Variants in KCNH8 observed in about 807,000 individuals in gnomAD.
The protein encoded by KCNH8 is potassium voltage-gated channel subfamily H member 8.
KCNH8 carries 70 observed loss-of-function variants against 103.6 expected under a neutral mutation model. That is an observed-to-expected ratio of 0.68 (90% CI 0.56 to 0.82). KCNH8 has a LOEUF of 0.82. KCNH8 is among the 40% of genes least tolerant of loss of function. The pLI is 0.00. For synonymous variants in KCNH8, 498 were observed against 489.4 expected, an observed-to-expected ratio of 1.02 and a Z score of -0.23; for missense variants, 1,217 against 1,329.9, an observed-to-expected ratio of 0.92 and a Z score of 1.32.
chr3:19,290,127 C>T (rs2064896833), intron 3 of KCNH8, among the ~76,000 whole-genome samples: 1 of 152,134 alleles, frequency 6.6e-6, no homozygotes, highest in South Asian at 2.1e-4. Context: ...AGTTGCCTAT[C>T]AGCTTAAGGA....
chr3:19,201,712 A>G (rs1231742624), intron 1 of KCNH8, among the ~76,000 whole-genome samples: 3 of 152,154 alleles, frequency 2.0e-5, no homozygotes, highest in East Asian at 3.9e-4. Flanking sequence ...AGAACTATCC[A>G]TACTGATATT....
At chr3:19,508,023 CTGTT>C (rs1482542722) in intron 11 of KCNH8, among the ~76,000 whole-genome samples, 1 of 152,068 alleles carries the variant, frequency 6.6e-6, no homozygotes, top group Non-Finnish European at 1.5e-5. Flanking sequence ...GCTTTTAATT[CTGTT>C]TATGTGGTGA....
At chr3:19,425,348 C>T (rs962059351) in intron 7 of KCNH8, among the ~76,000 whole-genome samples, 1 of 152,160 alleles carries the variant, frequency 6.6e-6, no homozygotes, top group East Asian at 1.9e-4. Flanking sequence ...GTTGCTCCAA[C>T]TAGGAGGACT....
At chr3:19,469,774 C>G (rs1308498030) in intron 11 of KCNH8, among the ~76,000 whole-genome samples, 1 of 152,156 alleles carries the variant, frequency 6.6e-6, no homozygotes, top group Admixed American at 6.5e-5. Context: ...GGACTTCTTG[C>G]ACCTGTTAAT....
chr3:19,160,173 G>C (rs910887968), intron 1 of KCNH8, among the ~76,000 whole-genome samples: 4 of 152,014 alleles, frequency 2.6e-5, no homozygotes, highest in Non-Finnish European at 5.9e-5. Flanking sequence ...TGCTGAATAA[G>C]CATCAGCATG....
chr3:19,528,364 A>T (rs1232697972), intron 15 of KCNH8, among the ~76,000 whole-genome samples: 1 of 152,190 alleles, frequency 6.6e-6, no homozygotes, highest in East Asian at 1.9e-4. Context: ...GAAATTTCCC[A>T]GAGAATTAAA....
intron 15 of KCNH8, among the ~76,000 whole-genome samples, chr3:19,526,318 C>T (rs1165134892): frequency 6.6e-6 from 1 of 151,888 alleles, no homozygotes. Flanking sequence ...TTTTTCTCTG[C>T]CTATCAACGG....
intron 3 of KCNH8, among the ~76,000 whole-genome samples, chr3:19,337,999 CGG>C (rs67419831): frequency 1.4e-5 from 2 of 147,106 alleles, no homozygotes; most frequent in African/African-American, 4.9e-5. Flanking sequence ...GAGAGAGAGG[CGG>C]GGGGGGGAGA....
chr3:19,370,971 G>A (rs955873642), intron 5 of KCNH8, among the ~76,000 whole-genome samples: 5 of 151,996 alleles, frequency 3.3e-5, no homozygotes, highest in Non-Finnish European at 7.4e-5. Flanking sequence ...AGTATTCCAT[G>A]GTGTATATGT....
In KCNH8 at chr3:19,533,737, T is replaced by G; in HGVS notation, c.2962T>G (p.Ser988Ala). 6.2e-7 allele frequency: 1 copy of G among 1,614,132 alleles called. No homozygotes were observed. Among genetic ancestry groups the G allele is most frequent in the South Asian group, 1.1e-5 (1 of 91,082 alleles). ...TCCTGCAGACAGTGAACTTTATCAT[T>G]CTCCAAGCCTTGATTATTCACCTTC... ...QNPADSELYHSPSLDYSPSHY... is the reference protein window; with the variant it reads ...QNPADSELYHAPSLDYSPSHY... Residue 988 changes from serine to alanine, a missense_variant, in exon 16 of 16, where the codon TCT becomes GCT. By Grantham distance (99) the Ser-to-Ala change is moderately conservative (BLOSUM62 1). Around this residue, in one of 3 missense-constraint regions of KCNH8, gnomAD observed 558 missense variants for 495.8 expected, o/e 1.13. Transcript: ENST00000328405.
At chr3:19,390,817 G>A (rs1404043865) in intron 6 of KCNH8, among the ~76,000 whole-genome samples, 179 bp downstream of exon 6, 2 of 152,020 alleles carry the variant, frequency 1.3e-5, no homozygotes, top group Admixed American at 1.3e-4. Context: ...ACTTCCTTTT[G>A]ACATTCATAT....
chr3:19,284,567 G>A (rs964410743), intron 3 of KCNH8, among the ~76,000 whole-genome samples: 26 of 151,210 alleles, frequency 1.7e-4, no homozygotes, highest in Admixed American at 4.6e-4. Context: ...GAGAGAGAGA[G>A]AGAAAGAGAG....
rs185899842 is a variant in KCNH8 at position 19,450,642 on chromosome 3, C to T, written c.1575+337C>T. 1.9e-3 allele frequency: 595 copies of T among 312,942 alleles called. 3 individuals carry two copies. Among genetic ancestry groups the T allele is most frequent in the African/African-American group, 0.012 (549 of 45,382 alleles). The allele number at this position is 312,942 out of a possible 1,614,324, so 19.4% of individuals were successfully genotyped here. A position where few individuals can be genotyped will look rare whatever the true frequency, so the allele number is the denominator to read the frequency against. On this transcript the variant is annotated intron_variant, in intron 9 of 15. Coordinates refer to ENST00000328405, the MANE Select transcript of KCNH8 (RefSeq NM_144633.3). Reference sequence around the variant, plus strand: ...AATTATATTAATCAAGTTTCTGTTTCCCTTAACATCAATAAAGTTAAAAAA... The same window carrying T: ...AATTATATTAATCAAGTTTCTGTTTTCCTTAACATCAATAAAGTTAAAAAA...
In KCNH8 at chr3:19,456,801, T is replaced by G; in HGVS notation, c.1859T>G (p.Ile620Ser). 6.2e-7 allele frequency: 1 copy of G among 1,611,586 alleles called. No homozygotes were observed. Among genetic ancestry groups the G allele is most frequent in the Non-Finnish European group, 8.5e-7 (1 of 1,178,286 alleles). The change falls in exon 11 of 16, where the codon ATT becomes AGT. Residue 620 changes from isoleucine (I) to serine (S), a missense_variant. Physicochemically the swap from Ile to Ser is moderately radical, Grantham distance 142. This residue lies in a region of KCNH8 where 415 missense variants were observed against 577.4 expected (regional missense o/e 0.72). Transcript: ENST00000328405. ...KGDLIGANLSIKDQVIKTNAD... is the reference protein window; with the variant it reads ...KGDLIGANLSSKDQVIKTNAD... ...GATTTAATTGGAGCAAATCTATCAA[T>G]TAAGGACCAAGTGATCAAGACCAAT...
chr3:19,266,155 A>AT (rs750217344), intron 2 of KCNH8, among the ~76,000 whole-genome samples: 1 of 152,074 alleles, frequency 6.6e-6, no homozygotes, highest in Non-Finnish European at 1.5e-5. Context: ...TTCAGGATAA[A>AT]TAAAAACTCT....
Position 19,513,048 on chromosome 3 carries a change from G to C in KCNH8, c.2158G>C (p.Glu720Gln), listed in dbSNP as rs1297464520. 2 of 1,613,638 alleles carry C rather than the reference G, an allele frequency of 1.2e-6. No individual in the cohort carries two copies. The highest frequency in any genetic ancestry group is 1.7e-6 in the Non-Finnish European group (2 of 1,179,868). Reference protein sequence around the residue: ...VEDEEEEEEGEEEEAVSLSPI... With the variant: ...VEDEEEEEEGQEEEAVSLSPI... ...AGATGAGGAAGAGGAGGAGGAGGGG[G>C]AGGAAGAGGAGGCAGTCTCCCTCTC... The change falls in exon 13 of 16, where the codon GAG becomes CAG. Residue 720 changes from glutamate (E) to glutamine (Q), a missense_variant. Glu to Gln is a conservative substitution (Grantham distance 29). Transcript: ENST00000328405.
chr3:19,234,511 G>A (rs2064036873), intron 1 of KCNH8, among the ~76,000 whole-genome samples: 1 of 152,208 alleles, frequency 6.6e-6, no homozygotes, highest in Admixed American at 6.5e-5. Flanking sequence ...GCCCCAGGCG[G>A]GTGGGGCTGG....
intron 1 of KCNH8, among the ~76,000 whole-genome samples, chr3:19,162,709 A>G (rs996088437): frequency 3.3e-5 from 5 of 152,094 alleles, no homozygotes; most frequent in East Asian, 1.9e-4. Context: ...TGATTTTGCA[A>G]TCTCTAAATC....
intron 11 of KCNH8, among the ~76,000 whole-genome samples, chr3:19,471,308 A>C (rs2067851046): frequency 6.6e-6 from 1 of 152,214 alleles, no homozygotes; most frequent in African/African-American, 2.4e-5. Context: ...AATGAAAAAC[A>C]ACCTACTGCT....
Sources: gnomAD v4.1 joint callset for allele counts (sites outside exome capture counted in the v4.1 genomes callset) on GRCh38, gnomAD v4.1.1 for gene constraint, gnomAD v4.1.1 regional missense constraint, MANE v1.5 for transcripts, NCBI Gene and HGNC (gene_info 2026-07-23, HGNC 2026-07-21) for gene names.